Variants in FH observed in about 807,000 individuals in gnomAD.
FH encodes the protein fumarate hydratase.
A neutral mutation model predicts 49.4 loss-of-function variants in FH; 22 were observed. The observed-to-expected ratio is 0.45, with a 90% CI of 0.32 to 0.64. The LOEUF (loss-of-function observed/expected upper bound fraction) is 0.64, where lower values mean the gene tolerates loss of function less well. Among genes scored for constraint, FH ranks in the 30% least tolerant of loss-of-function variants. The pLI is 0.05. For synonymous variants in FH, 208 were observed against 223.0 expected, an observed-to-expected ratio of 0.93 and a Z score of 0.60; for missense variants, 526 against 641.5, an observed-to-expected ratio of 0.82 and a Z score of 1.95.
At chr1:241,513,978 C>CAT (rs1369398061) in intron 2 of FH, among the ~76,000 whole-genome samples, 2 of 152,140 alleles carry the variant, frequency 1.3e-5, no homozygotes, top group Non-Finnish European at 2.9e-5. Flanking sequence ...ACGTCTCCCA[C>CAT]ATACATATAC....
chr1:241,512,381 C>G (rs887435182), intron 3 of FH, among the ~76,000 whole-genome samples: 2 of 152,176 alleles, frequency 1.3e-5, no homozygotes, highest in Non-Finnish European at 2.9e-5. Context: ...CCTCCTCTAA[C>G]AGAGGACCAC....
chr1:241,512,910 G>GGTGTGTGTGTGTGT (rs10548903), intron 3 of FH, among the ~76,000 whole-genome samples: 1 of 148,440 alleles, frequency 6.7e-6, no homozygotes, highest in African/African-American at 2.5e-5. Flanking sequence ...ATGCAATGAG[G>GGTGTGTGTGTGTGT]GTGTGTGTGT....
intron 1 of FH, chr1:241,519,216 C>T: frequency 4.3e-6 from 1 of 234,758 alleles, no homozygotes; most frequent in Non-Finnish European, 8.5e-6. Flanking sequence ...CCGCCCACGC[C>T]GGCACTGTCC....
At position 241,500,602 on chromosome 1, in the gene FH, T is replaced by TGC. The variant is rs1659750838; in HGVS notation, c.1237-13_1237-12insGC. On this transcript the variant is annotated splice_polypyrimidine_tract_variant and intron_variant, in intron 8 of 9. Coordinates refer to ENST00000366560, the MANE Select transcript of FH (RefSeq NM_000143.4). ...AACACATTTTTAATCTTTGAGTGAG[T>TGC]GAGAGAGAGAGAGAGAGAGAGAGAG... 6.7e-6 allele frequency: 10 copies of TGC among 1,490,630 alleles called. No homozygotes were observed. Among genetic ancestry groups the TGC allele is most frequent in the Admixed American group, 1.8e-5 (1 of 54,604 alleles). The allele number at this position is 1,490,630 out of a possible 1,614,324, so 92.3% of individuals were successfully genotyped here.
intron 3 of FH, among the ~76,000 whole-genome samples, chr1:241,513,106 A>G (rs1211954348): frequency 1.3e-5 from 2 of 152,186 alleles, no homozygotes; most frequent in East Asian, 3.8e-4. Flanking sequence ...TATAATTTAT[A>G]TAAGTAGCTG....
Position 241,508,633 on chromosome 1 carries a change from A to G in FH, c.708T>C (p.Thr236=). ...CAAGAGTAAGTGGAACAGCATCCTG[A>G]GTATGAGTACGTCCAATCTTGATGA... is the stretch of plus-strand genomic sequence containing the variant. ...AQIIKIGRTH[T]QDAVPLTLGQ... is the part of the protein sequence containing the mutation. Residue 236 remains threonine, a synonymous_variant, in exon 5 of 10, where the codon ACT becomes ACC. Coordinates refer to ENST00000366560, the MANE Select transcript of FH (RefSeq NM_000143.4). 1 of 1,613,912 alleles carries G rather than the reference A, an allele frequency of 6.2e-7. No individual in the cohort carries two copies. Among genetic ancestry groups the G allele is most frequent in the African/African-American group, 1.3e-5 (1 of 75,044 alleles).
rs2147914979 is a variant in FH, at chr1:241,502,530, A to C, written c.1149T>G (p.Val383=). 6.2e-7 allele frequency: 1 copy of C among 1,614,210 alleles called. No homozygotes were observed. The highest frequency in any genetic ancestry group is 8.5e-7 in the Non-Finnish European group (1 of 1,180,012). Reference sequence around the variant, plus strand: ...CATGGTTCCCCATGACTTGGGCTGCAACCATGGTCATTGCTTCACACTGAG... The same window carrying C: ...CATGGTTCCCCATGACTTGGGCTGCCACCATGGTCATTGCTTCACACTGAG... ...NPTQCEAMTM[V]AAQVMGNHVA... is the part of the protein sequence containing the mutation. Residue 383 remains valine, a synonymous_variant, in exon 8 of 10, where the codon GTT becomes GTG. Coordinates refer to ENST00000366560, the MANE Select transcript of FH (RefSeq NM_000143.4).
Position 241,506,013 on chromosome 1 carries a change from A to G in FH, c.894T>C (p.Ala298=), listed in dbSNP as rs372099505. 2.5e-6 allele frequency: 4 copies of G among 1,613,864 alleles called. No individual in the cohort carries two copies. The highest frequency in any genetic ancestry group is 2.7e-5 in the African/African-American group (2 of 74,914). The change falls in exon 6 of 10, where the codon GCT becomes GCC. Residue 298 remains alanine (A), a synonymous_variant. Coordinates refer to ENST00000366560, the MANE Select transcript of FH (RefSeq NM_000143.4). ...CACGTGATCACTAACCTGTAAGTGCAGCCACTTTTGCAGCAACCTTTTCTG... is the reference window on the plus strand; with the variant it reads ...CACGTGATCACTAACCTGTAAGTGCGGCCACTTTTGCAGCAACCTTTTCTG... ...GFAEKVAAKV[A]ALTGLPFVTA...
rs200099371 is a variant in FH at position 241,519,709 on chromosome 1, A to G, written c.14T>C (p.Leu5Pro). 6.5e-7 allele frequency: 1 copy of G among 1,546,936 alleles called. No individual in the cohort carries two copies. The highest frequency in any genetic ancestry group is 8.7e-7 in the Non-Finnish European group (1 of 1,145,746). Residue 5 changes from leucine to proline, a missense_variant, in exon 1 of 10, where the codon CTT becomes CCT. Leu to Pro is a moderately conservative substitution (Grantham distance 98, BLOSUM62 -3). This residue lies in a region of FH where 143 missense variants were observed against 127.5 expected (regional missense o/e 1.12). Coordinates refer to ENST00000366560, the MANE Select transcript of FH (RefSeq NM_000143.4). ...GGGACGCGAGCGCGCGAGGAGCCGA[A>G]GTGCTCGGTACATGGTGCTGAGGGA... is the stretch of plus-strand genomic sequence containing the variant. MYRA[L>P]RLLARSRPLV...
rs372215290 is a variant in FH at position 241,501,644 on chromosome 1, TG to T, written c.1236+798del. 2.1e-3 allele frequency among the ~76,000 whole-genome samples: 315 copies of T among 152,336 alleles called. 3 individuals carry two copies. Among genetic ancestry groups the T allele is most frequent in the African/African-American group, 7.4e-3 (309 of 41,578 alleles). ...GAATATATTAAATATACTCCATATT[TG>T]TCATTTGCATATTCTTATAAAATTA... On this transcript the variant is annotated intron_variant, in intron 8 of 9. Coordinates refer to ENST00000366560, the MANE Select transcript of FH (RefSeq NM_000143.4).
At chr1:241,512,517 T>A (rs1183543666) in intron 3 of FH, among the ~76,000 whole-genome samples, 1 of 152,176 alleles carries the variant, frequency 6.6e-6, no homozygotes, top group Non-Finnish European at 1.5e-5. Flanking sequence ...AAATGTGAGT[T>A]CACTAATAGC....
chr1:241,514,076 T>C (rs936072185), intron 2 of FH, among the ~76,000 whole-genome samples: 2 of 152,098 alleles, frequency 1.3e-5, no homozygotes, highest in Non-Finnish European at 2.9e-5. Flanking sequence ...TAAAAACAAA[T>C]TTAGTACTCA....
intron 6 of FH, among the ~76,000 whole-genome samples, 195 bp from the exon 7 acceptor site, chr1:241,504,440 A>G (rs976337377): frequency 2.6e-5 from 4 of 152,164 alleles, no homozygotes; most frequent in Non-Finnish European, 5.9e-5. Flanking sequence ...ATCTGGTATT[A>G]CATTTTTTAA....
intron 9 of FH, among the ~76,000 whole-genome samples, chr1:241,499,639 A>G (rs1659718616): frequency 6.6e-6 from 1 of 152,256 alleles, no homozygotes; most frequent in South Asian, 2.1e-4. Flanking sequence ...AAGAAGCAGT[A>G]GCCATATTAT....
chr1:241,516,428 T>C (rs2147924607), intron 2 of FH, among the ~76,000 whole-genome samples: 1 of 152,292 alleles, frequency 6.6e-6, no homozygotes, highest in Admixed American at 6.5e-5. Flanking sequence ...AACCCGCATG[T>C]TCTCACTTGT....
intron 7 of FH, among the ~76,000 whole-genome samples, chr1:241,503,025 C>T (rs371303794): frequency 5.3e-5 from 8 of 152,268 alleles, no homozygotes; most frequent in South Asian, 2.1e-4. Context: ...GAAGGTGATG[C>T]TAAGCTAAAA....
At chr1:241,505,981 A>C (rs1195505526) in intron 6 of FH, 22 bp downstream of exon 6, 1 of 1,611,468 alleles carries the variant, frequency 6.2e-7, no homozygotes, top group South Asian at 1.1e-5. Context: ...GAAAATGAGA[A>C]ATAATTCACG....
chr1:241,507,345 A>G (rs991871382), intron 5 of FH, among the ~76,000 whole-genome samples: 4 of 152,140 alleles, frequency 2.6e-5, no homozygotes, highest in African/African-American at 9.7e-5. Flanking sequence ...ATACTCTGTG[A>G]TGTTCACATA....
At chr1:241,508,357 C>T (rs1430449823) in intron 5 of FH, among the ~76,000 whole-genome samples, 1 of 152,182 alleles carries the variant, frequency 6.6e-6, no homozygotes, top group Non-Finnish European at 1.5e-5. Flanking sequence ...GGTCCCATAG[C>T]TTGTACACAG....
Sources: gnomAD v4.1 joint callset for allele counts (sites outside exome capture counted in the v4.1 genomes callset) on GRCh38, gnomAD v4.1.1 for gene constraint, gnomAD v4.1.1 regional missense constraint, MANE v1.5 for transcripts, NCBI Gene and HGNC (gene_info 2026-07-23, HGNC 2026-07-21) for gene names.